Variants in SIN3B observed in about 807,000 individuals in gnomAD.
SIN3B encodes the protein SIN3 transcription regulator family member B, also known as paired amphipathic helix protein Sin3b.
In SIN3B, 19 loss-of-function variants were observed where a neutral mutation model predicts 120.2. The ratio of observed to expected loss-of-function variants is 0.16; its 90% CI spans 0.11 to 0.23. SIN3B has a LOEUF of 0.23. Among genes scored for constraint, SIN3B ranks in the 10% least tolerant of loss-of-function variants. The probability of loss-of-function intolerance (pLI) is 1.00; values close to 1 mark genes in which losing one functional copy is unlikely to be tolerated. For missense variants in SIN3B, 1,073 were observed against 1,573.0 expected (o/e 0.68, Z 5.38); for synonymous variants, 654 against 653.2 (o/e 1.00, Z -0.02).
At chr19:16,872,089 G>GT (rs1309124724) in intron 14 of SIN3B, among the ~76,000 whole-genome samples, 1 of 152,114 alleles carries the variant, frequency 6.6e-6, no homozygotes, top group Admixed American at 6.5e-5. Context: ...GACGAGCTGG[G>GT]TGTGGTTCCA....
At chr19:16,848,197 A>G (rs1187785000) in intron 5 of SIN3B, among the ~76,000 whole-genome samples, 6 of 152,228 alleles carry the variant, frequency 3.9e-5, no homozygotes, top group Non-Finnish European at 8.8e-5. Flanking sequence ...TGTTGTGAAC[A>G]GTGCCGCCAT....
intron 3 of SIN3B, among the ~76,000 whole-genome samples, chr19:16,834,406 A>G (rs1971318941): frequency 6.6e-6 from 1 of 152,144 alleles, no homozygotes; most frequent in African/African-American, 2.4e-5. Flanking sequence ...CAGGCGCCAC[A>G]CTGGTTGTAT....
intron 2 of SIN3B, among the ~76,000 whole-genome samples, 197 bp downstream of exon 2, chr19:16,830,094 A>C (rs1173674690): frequency 6.6e-6 from 1 of 152,212 alleles, no homozygotes; most frequent in Non-Finnish European, 1.5e-5. Flanking sequence ...CTTTGTGGGG[A>C]TTCCTGGAAG....
intron 4 of SIN3B, among the ~76,000 whole-genome samples, chr19:16,844,761 T>C (rs1279770628): frequency 6.6e-6 from 1 of 152,214 alleles, no homozygotes; most frequent in Non-Finnish European, 1.5e-5. Context: ...ATTACATGAA[T>C]GCCACAGCAA....
At chr19:16,858,081 T>G (rs1323700097) in intron 8 of SIN3B, among the ~76,000 whole-genome samples, 1 of 152,146 alleles carries the variant, frequency 6.6e-6, no homozygotes. Context: ...TTCGCCATGT[T>G]GGTCAGGCTG....
At chr19:16,861,256 C>T (rs1276703823) in intron 8 of SIN3B, among the ~76,000 whole-genome samples, 1 of 152,170 alleles carries the variant, frequency 6.6e-6, no homozygotes. Context: ...GTGGAAATGA[C>T]TCAAACCCCT....
rs769723835 is a variant in SIN3B at position 16,878,309 on chromosome 19, G to A, written c.3081G>A (p.Lys1027=). The part of the protein sequence containing the change: ...ESACDVDCRF[K]LSTHKMVFIV... ...CCTGCGACGTGGACTGCCGCTTCAA[G>A]CTCAGCACTCACAAGATGGTGTTCA... The change falls in exon 18 of 19, where the codon AAG becomes AAA. Residue 1027 remains lysine, a synonymous_variant. Transcript: ENST00000248054. The A allele has an allele frequency of 6.2e-7, 1 of 1,611,670 alleles. No individual in the cohort carries two copies. Among genetic ancestry groups the A allele is most frequent in the South Asian group, 1.1e-5 (1 of 90,700 alleles).
Position 16,829,776 on chromosome 19 carries a change from T to A in SIN3B, c.121-15T>A. On this transcript the variant is annotated splice_polypyrimidine_tract_variant and intron_variant, in intron 1 of 18. Transcript: ENST00000248054. Reference sequence around the variant, plus strand: ...CCGCGGCCAGGGCCCACCGGGACCCTCCCCCTCTCTGCAGGTAGAAGACGC... The same window carrying A: ...CCGCGGCCAGGGCCCACCGGGACCCACCCCCTCTCTGCAGGTAGAAGACGC... The A allele has an allele frequency of 1.3e-6, 2 of 1,584,924 alleles. No homozygotes were observed. Among genetic ancestry groups the A allele is most frequent in the Non-Finnish European group, 1.7e-6 (2 of 1,158,106 alleles).
intron 3 of SIN3B, among the ~76,000 whole-genome samples, chr19:16,838,679 C>CT (rs1156599636): frequency 1.3e-5 from 2 of 150,892 alleles, no homozygotes; most frequent in Non-Finnish European, 3.0e-5. Flanking sequence ...TTTTCTTTTT[C>CT]TTTTTTTTTC....
chr19:16,877,017 G>A (rs2051617222), intron 16 of SIN3B: 1 of 196,782 alleles, frequency 5.1e-6, no homozygotes, highest in Admixed American at 5.5e-5. Flanking sequence ...GCATCCTGGT[G>A]ACAGTGAGGC....
chr19:16,869,406 G>T (rs914046545), intron 12 of SIN3B, 54 bp from the exon 13 acceptor site: 2 of 1,522,978 alleles, frequency 1.3e-6, no homozygotes, highest in African/African-American at 2.7e-5. Context: ...GGGCACTGGG[G>T]GTCCTCTGGG....
At chr19:16,874,718 AGTCTG>A (rs1299972949) in intron 14 of SIN3B, among the ~76,000 whole-genome samples, 6 of 108,728 alleles carry the variant, frequency 5.5e-5, no homozygotes, top group African/African-American at 2.2e-4. Context: ...GTTTGGTTTT[AGTCTG>A]GTCTGGTCTG....
intron 2 of SIN3B, among the ~76,000 whole-genome samples, chr19:16,831,114 G>C (rs146172646): frequency 2.6e-5 from 4 of 151,718 alleles, no homozygotes; most frequent in African/African-American, 9.7e-5. Flanking sequence ...CCAGGCTGGA[G>C]TGCAGTGGTG....
At chr19:16,872,925 A>G (rs1026673323) in intron 14 of SIN3B, among the ~76,000 whole-genome samples, 1 of 151,768 alleles carries the variant, frequency 6.6e-6, no homozygotes, top group Non-Finnish European at 1.5e-5. Context: ...GAGGACAGGC[A>G]TGGGCGGTGC....
At chr19:16,872,409 A>T (rs925503281) in intron 14 of SIN3B, 1 of 151,438 alleles carries the variant, frequency 6.6e-6, no homozygotes. Context: ...CCTGCCACCC[A>T]TGGACACCCA....
intron 4 of SIN3B, chr19:16,846,140 A>G (rs1459261951): frequency 1.3e-5 from 2 of 152,146 alleles, no homozygotes; most frequent in Admixed American, 1.3e-4. Context: ...GATCATTTCT[A>G]TTTATTATCT....
chr19:16,843,884 T>C lies in SIN3B; in HGVS notation c.582+1916T>C, dbSNP rs539122203. 2.6e-5 allele frequency: 4 copies of C among 152,448 alleles called. No individual in the cohort carries two copies. In the South Asian group the frequency reaches 6.2e-4, roughly 24 times the overall value. The allele number at this position is 152,448 out of a possible 1,614,324, so 9.4% of individuals were successfully genotyped here. Reference sequence around the variant, plus strand: ...TTATTTTTTTGAGACTGGGTCTCACTGTTGCCCAGGCTGGAGTGCAGCGGC... The same window carrying C: ...TTATTTTTTTGAGACTGGGTCTCACCGTTGCCCAGGCTGGAGTGCAGCGGC... On this transcript the variant is annotated intron_variant, in intron 4 of 18. Transcript: ENST00000248054.
chr19:16,863,230 G>A, intron 9 of SIN3B: 1 of 521,214 alleles, frequency 1.9e-6, no homozygotes, highest in Non-Finnish European at 3.4e-6. Flanking sequence ...CCTCATCTGT[G>A]GTTTCAACTA....
In SIN3B at chr19:16,851,440, A is replaced by T; in HGVS notation, c.755A>T (p.His252Leu). Residue 252 changes from histidine (H) to leucine (L), a missense_variant, in exon 6 of 19, where the codon CAC becomes CTC. This residue lies in a region of SIN3B where 395 missense variants were observed against 528.0 expected (regional missense o/e 0.75). Coordinates refer to ENST00000248054, the MANE Select transcript of SIN3B (RefSeq NM_001297595.2). ...LFTGNGPCEM[H>L]SVQKNEHDKT... Reference sequence around the variant, plus strand: ...ACAGGAAACGGGCCGTGCGAGATGCACAGCGTGCAGAAGAACGAGCACGAC... The same window carrying T: ...ACAGGAAACGGGCCGTGCGAGATGCTCAGCGTGCAGAAGAACGAGCACGAC... 6.2e-7 allele frequency: 1 copy of T among 1,607,762 alleles called. No homozygotes were observed. The highest frequency in any genetic ancestry group is 8.5e-7 in the Non-Finnish European group (1 of 1,177,312).
Sources: allele counts gnomAD v4.1 joint callset (sites outside exome capture counted in the v4.1 genomes callset), GRCh38; gene constraint gnomAD v4.1.1; regional missense constraint gnomAD v4.1.1; transcripts MANE v1.5; gene names NCBI Gene and HGNC (gene_info 2026-07-23, HGNC 2026-07-21).